The following NSD2 variants were observed in gnomAD, a reference collection of about 807,000 sequenced individuals.
NSD2 encodes nuclear receptor binding SET domain protein 2.
Under a neutral mutation model 139.0 loss-of-function variants are expected in NSD2, and 12 were observed. That is an observed-to-expected ratio of 0.09 (90% CI 0.06 to 0.14). NSD2 has a LOEUF of 0.14. Among genes scored for constraint, NSD2 ranks in the 10% least tolerant of loss-of-function variants. The pLI is 1.00. For synonymous variants in NSD2, 669 were observed against 648.7 expected, an observed-to-expected ratio of 1.03 and a Z score of -0.48; for missense variants, 1,155 against 1,745.0, an observed-to-expected ratio of 0.66 and a Z score of 6.02.
At chr4:1,878,226 G>GATTGATTGATATAT (rs1553857672) in intron 1 of NSD2, among the ~76,000 whole-genome samples, 1 of 26,052 alleles carries the variant, frequency 3.8e-5, no homozygotes, top group African/African-American at 1.6e-4. Context: ...ATGCCCGGCT[G>GATTGATTGATATAT]ATATATATAT....
chr4:1,925,728 G>A (rs894989733), intron 5 of NSD2, among the ~76,000 whole-genome samples: 7 of 151,506 alleles, frequency 4.6e-5, no homozygotes, highest in African/African-American at 1.2e-4. Flanking sequence ...TCCTTTCTCC[G>A]TACTAGTGAA....
chr4:1,878,664 G>A (rs1714482756), intron 1 of NSD2, among the ~76,000 whole-genome samples: 1 of 152,144 alleles, frequency 6.6e-6, no homozygotes, highest in Non-Finnish European at 1.5e-5. Context: ...GCCTTAGGGG[G>A]CATAATATGT....
intron 2 of NSD2, among the ~76,000 whole-genome samples, chr4:1,902,952 ATTGC>A (rs1717379187): frequency 6.6e-6 from 1 of 152,128 alleles, no homozygotes; most frequent in African/African-American, 2.4e-5. Flanking sequence ...AGGCAGGAAG[ATTGC>A]TTGAGCCCAG....
chr4:1,944,375 T>C, intron 9 of NSD2: 1 of 1,065,914 alleles, frequency 9.4e-7, no homozygotes, highest in Non-Finnish European at 1.1e-6. Flanking sequence ...AATTCCTTCA[T>C]TTCATAAGAA....
rs551924146 is a variant in NSD2, at chr4:1,939,489, T to C, written c.1757-165T>C. 1.4e-4 allele frequency: 107 copies of C among 750,924 alleles called. No homozygotes were observed. In the African/African-American group the frequency reaches 1.5e-3, roughly 10 times the overall value. 46.5% of individuals were successfully genotyped at this position (750,924 alleles called of 1,614,324 possible). A position where few individuals can be genotyped will look rare whatever the true frequency, so the allele number is the denominator to read the frequency against. On this transcript the variant is annotated intron_variant, in intron 8 of 21. Transcript: ENST00000508803. ...GGGTTCATTGTACAGTTTGTCTGCT[T>C]TTGTTTATGTTCAGATTTTTCCATG...
rs1727831978 is a variant in NSD2 at position 1,982,157 on chromosome 4, GTA to G, written c.*3250_*3251del. On this transcript the variant is annotated 3_prime_UTR_variant, in exon 22 of 22. Coordinates refer to ENST00000508803, the MANE Select transcript of NSD2 (RefSeq NM_001042424.3). Reference sequence around the variant, plus strand: ...TGGAAAGCTGTGTTTGGAAAATTGTGTATGAGTATTTTTGTATTAAAAACATT... The same window carrying G: ...TGGAAAGCTGTGTTTGGAAAATTGTGTGAGTATTTTTGTATTAAAAACATT... 2 of 390,074 alleles carry G rather than the reference GTA, an allele frequency of 5.1e-6. No individual in the cohort carries two copies. The highest frequency in any genetic ancestry group is 4.1e-5 in the African/African-American group (2 of 48,492). The allele number at this position is 390,074 out of a possible 1,614,324, so 24.2% of individuals were successfully genotyped here. A position where few individuals can be genotyped will look rare whatever the true frequency, so the allele number is the denominator to read the frequency against.
At chr4:1,880,442 G>T (rs899630490) in intron 1 of NSD2, among the ~76,000 whole-genome samples, 3 of 152,136 alleles carry the variant, frequency 2.0e-5, no homozygotes, top group African/African-American at 7.2e-5. Flanking sequence ...CAGTGTGGCA[G>T]TGTACTTCTG....
At chr4:1,927,914 C>G (rs1721148766) in intron 5 of NSD2, among the ~76,000 whole-genome samples, 2 of 151,666 alleles carry the variant, frequency 1.3e-5, no homozygotes, top group Admixed American at 6.6e-5. Context: ...ATTTTTGAGA[C>G]AGAATCTTAC....
chr4:1,928,740 G>C (rs1301343869), intron 5 of NSD2, among the ~76,000 whole-genome samples: 1 of 152,160 alleles, frequency 6.6e-6, no homozygotes, highest in Non-Finnish European at 1.5e-5. Flanking sequence ...GGGGTGCCAG[G>C]GGCAGAGGTG....
intron 9 of NSD2, chr4:1,941,077 G>GGGCCGGGCGCGGTGGCTC (rs1723046585): frequency 9.5e-7 from 1 of 1,055,938 alleles, no homozygotes; most frequent in Non-Finnish European, 1.1e-6. Flanking sequence ...ATTATTTACT[G>GGGCCGGGCGCGGTGGCTC]AAACATCTAG....
At position 1,955,300 on chromosome 4, in the gene NSD2, C is replaced by T. The variant is rs373748031; in HGVS notation, c.2478C>T (p.His826=). The T allele has an allele frequency of 1.4e-5, 22 of 1,613,776 alleles. No homozygotes were observed. The highest frequency in any genetic ancestry group is 1.1e-4 in the African/African-American group (8 of 75,048). ...CTGCTCGGAAGGGGAAGCGACACCA[C>T]GCCCACGTCAACGTGAGCTGGTGCT... ...HFTARKGKRH[H]AHVNVSWCFV... The change falls in exon 13 of 22, where the codon CAC becomes CAT. Residue 826 remains histidine, a synonymous_variant. Transcript: ENST00000508803. The surrounding 1 kb of genome is among the most constrained non-coding windows in gnomAD (Gnocchi z 4.7).
chr4:1,975,044 G>A (rs1726924104), intron 19 of NSD2, 40 bp downstream of exon 19: 9 of 1,613,144 alleles, frequency 5.6e-6, no homozygotes, highest in Non-Finnish European at 6.8e-6. Flanking sequence ...TCCTGGCTAT[G>A]GGGGCAGAGT....
chr4:1,943,439 A>G, intron 9 of NSD2: 2 of 1,044,570 alleles, frequency 1.9e-6, no homozygotes, highest in Non-Finnish European at 2.3e-6. Context: ...TAAAATTGCC[A>G]TCATTCTATT....
Position 1,978,984 on chromosome 4 carries a change from G to A in NSD2, c.*75G>A. The stretch of plus-strand genomic sequence containing the variant: ...CCTGCCTGCGGGAGAGGGCGAGCAT[G>A]AACTGGCCCGGAGGACCCAGCTCGA... On this transcript the variant is annotated 3_prime_UTR_variant, in exon 22 of 22. Coordinates refer to ENST00000508803, the MANE Select transcript of NSD2 (RefSeq NM_001042424.3). The A allele has an allele frequency of 7.0e-7, 1 of 1,432,064 alleles. No individual in the cohort carries two copies. 88.7% of individuals were successfully genotyped at this position (1,432,064 alleles called of 1,614,324 possible). A position where few individuals can be genotyped will look rare whatever the true frequency, so the allele number is the denominator to read the frequency against.
chr4:1,871,894 T>C (rs1713803735), intron 1 of NSD2, among the ~76,000 whole-genome samples: 2 of 145,872 alleles, frequency 1.4e-5, no homozygotes, highest in South Asian at 4.2e-4. Context: ...GGCGCGGCCA[T>C]GTTGGGCCCG....
Position 1,957,923 on chromosome 4 carries a change from G to T in NSD2, c.2882-10G>T. The T allele has an allele frequency of 6.2e-7, 1 of 1,612,770 alleles. No individual in the cohort carries two copies. Among genetic ancestry groups the T allele is most frequent in the South Asian group, 1.1e-5 (1 of 90,884 alleles). On this transcript the variant is annotated splice_polypyrimidine_tract_variant and intron_variant, in intron 15 of 21. Transcript: ENST00000508803. ...CTAAAATCTTTACTCCTATTTCATT[G>T]ACTTTTTAGCACTGCAAGAAGCTGA...
rs553483159 is a variant in NSD2, at chr4:1,976,159, T to C, written c.3622-316T>C. ...TGGCGGGCGGGAGCTGTTCTGCCTG[T>C]GGTGGCCTCCTTTGCCAGTGGGTCC... On this transcript the variant is annotated intron_variant, in intron 20 of 21. Coordinates refer to ENST00000508803, the MANE Select transcript of NSD2 (RefSeq NM_001042424.3). This position sits in a 1 kb window ranked among gnomAD's most constrained non-coding sequence, Gnocchi z 5.3. 2.0e-4 allele frequency among the ~76,000 whole-genome samples: 30 copies of C among 152,314 alleles called. No individual in the cohort carries two copies. The highest frequency in any genetic ancestry group is 7.0e-4 in the African/African-American group (29 of 41,576).
In NSD2 at chr4:1,978,885, G is replaced by T; in HGVS notation, c.4074G>T (p.Trp1358Cys). Residue 1358 changes from tryptophan to cysteine, a missense_variant, in exon 22 of 22, where the codon TGG becomes TGT. By Grantham distance (215) the Trp-to-Cys change is radical. This residue lies in a region of NSD2 where 132 missense variants were observed against 94.3 expected (regional missense o/e 1.40). Coordinates refer to ENST00000508803, the MANE Select transcript of NSD2 (RefSeq NM_001042424.3). ...PKGKRRRRRG[W>C]RRVTEGK ...GGAAGAGGCGGCGGCGGAGGGGCTG[G>T]CGGAGAGTCACAGAGGGCAAATAGC... 6.3e-7 allele frequency: 1 copy of T among 1,577,360 alleles called. No individual in the cohort carries two copies.
intron 9 of NSD2, chr4:1,944,263 C>T: frequency 1.9e-6 from 2 of 1,066,144 alleles, no homozygotes; most frequent in South Asian, 4.5e-5. Flanking sequence ...TCCTGGTTTC[C>T]TGAAGGAGGT....
Sources: allele counts gnomAD v4.1 joint callset (sites outside exome capture counted in the v4.1 genomes callset), GRCh38; gene constraint gnomAD v4.1.1; regional missense constraint gnomAD v4.1.1; non-coding constraint Gnocchi (gnomAD v3.1); transcripts MANE v1.5; gene names NCBI Gene and HGNC (gene_info 2026-07-23, HGNC 2026-07-21).